Variants in ANKRD46 observed in about 807,000 individuals in gnomAD.
ANKRD46 encodes ankyrin repeat domain 46.
In ANKRD46, 13 loss-of-function variants were observed where a neutral mutation model predicts 19.8. That is an observed-to-expected ratio of 0.66 (90% CI 0.43 to 1.04). The LOEUF is 1.04. ANKRD46 is among the 50% of genes least tolerant of loss of function. ANKRD46 has a pLI of 0.00. For synonymous variants in ANKRD46, 91 were observed against 106.9 expected, an observed-to-expected ratio of 0.85 and a Z score of 0.92; for missense variants, 185 against 274.8, an observed-to-expected ratio of 0.67 and a Z score of 2.31.
intron 3 of ANKRD46, among the ~76,000 whole-genome samples, chr8:100,528,971 T>C (rs957234074): frequency 6.6e-6 from 1 of 152,104 alleles, no homozygotes; most frequent in South Asian, 2.1e-4. Context: ...AAAAGGATCC[T>C]GGACTCCCGG....
At position 100,510,506 on chromosome 8, in the gene ANKRD46, G is replaced by A. The variant is rs1811532416; in HGVS notation, c.*71C>T. ...GTGACGGAAACAGCCCCACCCAACA[G>A]GGACGCTGACGTCTGTATCCCTTCT... is the stretch of plus-strand genomic sequence containing the variant. On this transcript the variant is annotated 3_prime_UTR_variant, in exon 6 of 6. Transcript: ENST00000520552. This position sits in a 1 kb window ranked among gnomAD's most constrained non-coding sequence, Gnocchi z 4.9. 2.1e-6 allele frequency: 3 copies of A among 1,424,288 alleles called. No individual in the cohort carries two copies. The highest frequency in any genetic ancestry group is 2.1e-5 in the Admixed American group (1 of 47,564). 88.2% of individuals were successfully genotyped at this position (1,424,288 alleles called of 1,614,324 possible).
downstream of ANKRD46, among the ~76,000 whole-genome samples, chr8:100,516,935 C>G (rs1299576655): frequency 6.6e-6 from 1 of 152,144 alleles, no homozygotes; most frequent in African/African-American, 2.4e-5. Context: ...GGCATCACAG[C>G]AGGATGGTGA....
chr8:100,524,189 A>G lies in ANKRD46; in HGVS notation c.471-1418T>C, dbSNP rs1394718395. Among the ~76,000 whole-genome samples, 2 of 152,208 alleles carry G rather than the reference A, an allele frequency of 1.3e-5. No individual in the cohort carries two copies. The highest frequency in any genetic ancestry group is 4.8e-5 in the African/African-American group (2 of 41,448). ...CACTAAGGGAAGAGCACTCATGGTT[A>G]TATCACAACATACAGGCCCAATAAG... On this transcript the variant is annotated intron_variant, in intron 4 of 4. Transcript: ENST00000335659. This position sits in a 1 kb window ranked among gnomAD's most constrained non-coding sequence, Gnocchi z 4.3.
chr8:100,517,653 T>C (rs140873307), downstream of ANKRD46, among the ~76,000 whole-genome samples: 15 of 152,338 alleles, frequency 9.8e-5, no homozygotes, highest in East Asian at 2.9e-3. Flanking sequence ...TATGTGTGCT[T>C]TGAGGGGAGC....
chr8:100,538,041 G>A (rs1812098459), intron 1 of ANKRD46, among the ~76,000 whole-genome samples: 1 of 152,160 alleles, frequency 6.6e-6, no homozygotes, highest in South Asian at 2.1e-4. Flanking sequence ...GCCAAGAAAT[G>A]GGTCTGATTT....
chr8:100,513,722 C>T (rs150969661), intron 5 of ANKRD46, among the ~76,000 whole-genome samples: 3 of 152,288 alleles, frequency 2.0e-5, no homozygotes, highest in African/African-American at 7.2e-5. Flanking sequence ...GAGAATTACC[C>T]AAACTTAAGT....
Position 100,537,979 on chromosome 8 carries a change from T to C in ANKRD46, c.-130-4668A>G, listed in dbSNP as rs185726117. On this transcript the variant is annotated intron_variant, in intron 1 of 4. Coordinates refer to ENST00000335659, the MANE Select transcript of ANKRD46 (RefSeq NM_001270377.2). The surrounding 1 kb of genome is among the most constrained non-coding windows in gnomAD (Gnocchi z 4.2). ...GGAGAAAACAGTTCATGTAAAACTT[T>C]GTTGCTTGTTCACAACTGTCCTAAA... Among the ~76,000 whole-genome samples, 1 of 152,292 alleles carries C rather than the reference T, an allele frequency of 6.6e-6. No homozygotes were observed. The highest frequency in any genetic ancestry group is 2.4e-5 in the African/African-American group (1 of 41,540).
intron 2 of ANKRD46, among the ~76,000 whole-genome samples, chr8:100,530,526 G>A (rs557428430): frequency 6.6e-6 from 1 of 152,082 alleles, no homozygotes; most frequent in Non-Finnish European, 1.5e-5. Context: ...TGGAATTACA[G>A]GTGTCTGCCA....
In ANKRD46 at chr8:100,532,470, A is replaced by G. The variant is rs1180505130; in HGVS notation, c.-28+739T>C. 2 of 152,106 alleles carry G rather than the reference A, an allele frequency of 1.3e-5. No individual in the cohort carries two copies. The highest frequency in any genetic ancestry group is 2.9e-5 in the Non-Finnish European group (2 of 68,028). The allele number at this position is 152,106 out of a possible 1,614,324, so 9.4% of individuals were successfully genotyped here. A position where few individuals can be genotyped will look rare whatever the true frequency, so the allele number is the denominator to read the frequency against. On this transcript the variant is annotated intron_variant, in intron 2 of 4. Coordinates refer to ENST00000335659, the MANE Select transcript of ANKRD46 (RefSeq NM_001270377.2). This position sits in a 1 kb window ranked among gnomAD's most constrained non-coding sequence, Gnocchi z 4.7. ...GGCATCAAAGTGAGGCCTGTCTCAA[A>G]AAAACAAACCAAACCAAACCAAACC...
intron 1 of ANKRD46, among the ~76,000 whole-genome samples, chr8:100,541,126 G>C (rs1161815588): frequency 1.3e-5 from 2 of 149,458 alleles, no homozygotes; most frequent in Non-Finnish European, 3.0e-5. Flanking sequence ...TCCAAAATTG[G>C]GATGAAGTTC....
chr8:100,541,539 T>C (rs926420379), intron 1 of ANKRD46, among the ~76,000 whole-genome samples: 1 of 152,180 alleles, frequency 6.6e-6, no homozygotes, highest in African/African-American at 2.4e-5. Context: ...CTAGAGGATA[T>C]AGCCTACTAC....
At chr8:100,554,062 C>A (rs1429203196) in intron 1 of ANKRD46, among the ~76,000 whole-genome samples, 1 of 152,152 alleles carries the variant, frequency 6.6e-6, no homozygotes, top group East Asian at 1.9e-4. Context: ...ATGCAAGTAT[C>A]TGTATATGAT....
rs114774398 is a variant in ANKRD46 at position 100,520,880 on chromosome 8, C to T, written c.*1675G>A. ...AAGGAACCATTAATCTTTAAAAATG[C>T]TATATACTTACATTTTGACCAATTT... On this transcript the variant is annotated 3_prime_UTR_variant, in exon 5 of 5. Coordinates refer to ENST00000335659, the MANE Select transcript of ANKRD46 (RefSeq NM_001270377.2). 1.0e-6 allele frequency: 1 copy of T among 983,440 alleles called. No individual in the cohort carries two copies. The highest frequency in any genetic ancestry group is 1.2e-6 in the Non-Finnish European group (1 of 828,432). The allele number at this position is 983,440 out of a possible 1,614,324, so 60.9% of individuals were successfully genotyped here. A position where few individuals can be genotyped will look rare whatever the true frequency, so the allele number is the denominator to read the frequency against.
Position 100,521,722 on chromosome 8 carries a change from G to T in ANKRD46, c.*833C>A. ...AGTTTTTCACTATAATAGCACTACAGAATTATGACAGTTAAATATCAGAAT... is the reference window on the plus strand; with the variant it reads ...AGTTTTTCACTATAATAGCACTACATAATTATGACAGTTAAATATCAGAAT... On this transcript the variant is annotated 3_prime_UTR_variant, in exon 5 of 5. Transcript: ENST00000335659. 1.0e-6 allele frequency: 1 copy of T among 985,246 alleles called. No individual in the cohort carries two copies. The highest frequency in any genetic ancestry group is 1.2e-6 in the Non-Finnish European group (1 of 829,776). The allele number at this position is 985,246 out of a possible 1,614,324, so 61.0% of individuals were successfully genotyped here.
intron 1 of ANKRD46, among the ~76,000 whole-genome samples, chr8:100,552,683 T>TA (rs1309464152): frequency 6.6e-6 from 1 of 152,232 alleles, no homozygotes; most frequent in Non-Finnish European, 1.5e-5. Context: ...GCCAGAGAAA[T>TA]ACATTCACTT....
At chr8:100,556,815 GT>G (rs1812509633) in intron 1 of ANKRD46, 1 of 152,146 alleles carries the variant, frequency 6.6e-6, no homozygotes, top group South Asian at 2.1e-4. Flanking sequence ...TTGGCCTTCA[GT>G]ACTCCATACT....
chr8:100,518,809 A>G (rs1586776768), downstream of ANKRD46, among the ~76,000 whole-genome samples: 1 of 151,772 alleles, frequency 6.6e-6, no homozygotes. Flanking sequence ...CCAAGATTGC[A>G]CCACTGCACT....
rs1200628121 is a variant in ANKRD46 at position 100,551,386 on chromosome 8, A to G, written c.-131+8325T>C. 8.3e-6 allele frequency: 5 copies of G among 599,348 alleles called. No homozygotes were observed. In the Admixed American group the frequency reaches 9.8e-5, roughly 12 times the overall value. 37.1% of individuals were successfully genotyped at this position (599,348 alleles called of 1,614,324 possible). ...ACCCTTTTGGCTCCCCCATTAAGTG[A>G]GCCCCAGCCTTCTCTATGGTCATGA... is the stretch of plus-strand genomic sequence containing the variant. On this transcript the variant is annotated intron_variant, in intron 1 of 4. Transcript: ENST00000335659.
chr8:100,548,291 A>G (rs1164265274), intron 1 of ANKRD46, among the ~76,000 whole-genome samples: 1 of 151,890 alleles, frequency 6.6e-6, no homozygotes, highest in Non-Finnish European at 1.5e-5. Flanking sequence ...ATCTTTAACC[A>G]TTCCCCCTTC....
Sources: gnomAD v4.1 joint callset for allele counts (sites outside exome capture counted in the v4.1 genomes callset) on GRCh38, gnomAD v4.1.1 for gene constraint, Gnocchi (gnomAD v3.1) non-coding constraint, MANE v1.5 for transcripts, NCBI Gene and HGNC (gene_info 2026-07-23, HGNC 2026-07-21) for gene names.